KCNQ1: variants seen among roughly 807,000 people sequenced by gnomAD.
KCNQ1 encodes potassium voltage-gated channel subfamily KQT member 1.
A neutral mutation model predicts 72.4 loss-of-function variants in KCNQ1; 49 were observed. That is an observed-to-expected ratio of 0.68 (90% confidence interval 0.54 to 0.86). KCNQ1 has a LOEUF of 0.86. Among genes scored for constraint, KCNQ1 ranks in the 40% least tolerant of loss-of-function variants. The probability of loss-of-function intolerance (pLI) is 0.00; values close to 1 mark genes in which losing one functional copy is unlikely to be tolerated. For synonymous variants in KCNQ1, 450 were observed against 412.6 expected (o/e 1.09, Z -1.10); for missense variants, 790 against 945.1 (o/e 0.84, Z 2.15).
chr11:2,666,765 T>C, intron 11 of KCNQ1: 1 of 398,758 alleles, frequency 2.5e-6, no homozygotes, highest in Non-Finnish European at 4.4e-6. Flanking sequence ...TCTGTGAGTG[T>C]CTAAGCTCCT....
At chr11:2,584,645 GTT>G (rs1277753106) in intron 7 of KCNQ1, among the ~76,000 whole-genome samples, 2 of 151,872 alleles carry the variant, frequency 1.3e-5, no homozygotes, top group Non-Finnish European at 2.9e-5. Context: ...GTGTTAGTGT[GTT>G]TTTGTGTGTG....
At chr11:2,649,960 C>A in intron 10 of KCNQ1, 1 of 398,480 alleles carries the variant, frequency 2.5e-6, no homozygotes, top group South Asian at 1.3e-4. Flanking sequence ...TCTCATATGT[C>A]ACGCAGGCAT....
Position 2,507,673 on chromosome 11 carries a change from G to T in KCNQ1, c.387-20255G>T, listed in dbSNP as rs2133655908. ...TGGGTTGAAGGCAGTAAGACCTGCA[G>T]GTGGGAGCTCTGGGGAGAGAGTGCG... On this transcript the variant is annotated intron_variant, in intron 1 of 15. Transcript: ENST00000155840. The surrounding 1 kb of genome is among the most constrained non-coding windows in gnomAD (Gnocchi z 5.4). 6.6e-6 allele frequency among the ~76,000 whole-genome samples: 1 copy of T among 152,266 alleles called. No individual in the cohort carries two copies. The highest frequency in any genetic ancestry group is 1.5e-5 in the Non-Finnish European group (1 of 68,020).
rs979977346 is a variant in KCNQ1 at position 2,541,456 on chromosome 11, C to T, written c.477+13438C>T. On this transcript the variant is annotated intron_variant, in intron 2 of 15. Coordinates refer to ENST00000155840, the MANE Select transcript of KCNQ1 (RefSeq NM_000218.3). The surrounding 1 kb of genome is among the most constrained non-coding windows in gnomAD (Gnocchi z 4.8). ...GGCTGGGGAGGGTCAGGGATGGCTG[C>T]TGTCCTCGGGGGAGGGACTGAGCTG... 2.6e-5 allele frequency among the ~76,000 whole-genome samples: 4 copies of T among 152,116 alleles called. No homozygotes were observed. Among genetic ancestry groups the T allele is most frequent in the Non-Finnish European group, 5.9e-5 (4 of 68,020 alleles).
chr11:2,517,071 C>T (rs1328314815), intron 1 of KCNQ1, among the ~76,000 whole-genome samples: 1 of 152,192 alleles, frequency 6.6e-6, no homozygotes, highest in African/African-American at 2.4e-5. Context: ...GGCCCAGGCT[C>T]CACGCTCCGC....
chr11:2,581,384 A>G (rs1048283768), intron 6 of KCNQ1, among the ~76,000 whole-genome samples: 8 of 151,788 alleles, frequency 5.3e-5, no homozygotes, highest in African/African-American at 7.3e-5. Flanking sequence ...TGCCTCTGCA[A>G]CTCCCCACCC....
At position 2,654,676 on chromosome 11, in the gene KCNQ1, G is replaced by A; in HGVS notation, c.1394-7285G>A. On this transcript the variant is annotated intron_variant, in intron 10 of 15. Transcript: ENST00000155840. This position sits in a 1 kb window ranked among gnomAD's most constrained non-coding sequence, Gnocchi z 6.4. ...GGCAGAGGGCAGCAGAGATGGGCTG[G>A]AGCTTTGAGCTTTGTCATAGGCTGG... 2.5e-6 allele frequency: 1 copy of A among 398,900 alleles called. No individual in the cohort carries two copies. The highest frequency in any genetic ancestry group is 4.4e-5 in the Admixed American group (1 of 22,738). 24.7% of individuals were successfully genotyped at this position (398,900 alleles called of 1,614,324 possible). A position where few individuals can be genotyped will look rare whatever the true frequency, so the allele number is the denominator to read the frequency against.
chr11:2,719,531 A>ACAAATCC (rs1851168752), intron 11 of KCNQ1, among the ~76,000 whole-genome samples: 1 of 152,020 alleles, frequency 6.6e-6, no homozygotes, highest in African/African-American at 2.4e-5. Flanking sequence ...CCCCCTGCAC[A>ACAAATCC]CAAATCCCAG....
intron 11 of KCNQ1, among the ~76,000 whole-genome samples, chr11:2,718,139 C>T (rs1483639352): frequency 6.6e-6 from 1 of 152,224 alleles, no homozygotes; most frequent in Non-Finnish European, 1.5e-5. Flanking sequence ...TGAGGCCCTC[C>T]CTGCCCTCGG....
At chr11:2,555,837 C>A (rs1181341624) in intron 2 of KCNQ1, among the ~76,000 whole-genome samples, 4 of 152,224 alleles carry the variant, frequency 2.6e-5, no homozygotes, top group African/African-American at 7.2e-5. Context: ...CAGGGGTAGG[C>A]TGATAGACCT....
Position 2,515,209 on chromosome 11 carries a change from C to T in KCNQ1, c.387-12719C>T, listed in dbSNP as rs1249146946. ...CCTCCCCTTTGGAGTCCCAGAGTGA[C>T]CTTTCTCCGTCTTTCTGTCCAAGCA... On this transcript the variant is annotated intron_variant, in intron 1 of 15. Coordinates refer to ENST00000155840, the MANE Select transcript of KCNQ1 (RefSeq NM_000218.3). This position sits in a 1 kb window ranked among gnomAD's most constrained non-coding sequence, Gnocchi z 4.7. Among the ~76,000 whole-genome samples, 8 of 152,296 alleles carry T rather than the reference C, an allele frequency of 5.3e-5. No individual in the cohort carries two copies. The highest frequency in any genetic ancestry group is 1.9e-4 in the African/African-American group (8 of 41,570).
At chr11:2,796,898 C>T (rs1051488531) in intron 15 of KCNQ1, among the ~76,000 whole-genome samples, 10 of 152,216 alleles carry the variant, frequency 6.6e-5, no homozygotes, top group Admixed American at 2.6e-4. Flanking sequence ...CAATAAAGGC[C>T]GCCTTTATCC....
intron 15 of KCNQ1, among the ~76,000 whole-genome samples, chr11:2,797,761 A>G (rs1407497748): frequency 1.3e-5 from 2 of 150,266 alleles, no homozygotes. Context: ...TTGTGCCTGC[A>G]CTCCCTCCCC....
intron 10 of KCNQ1, chr11:2,616,587 G>A (rs539248726): frequency 6.8e-5 from 27 of 397,848 alleles, no homozygotes; most frequent in Middle Eastern, 6.3e-4. Flanking sequence ...ATGTTGTGTC[G>A]TCATTTTCAC....
rs1850155879 is a variant in KCNQ1, at chr11:2,670,227, C to CTT, written c.1514+8148_1514+8149dup. ...AGGGCGAGCTGTGTAGCTCACCTGC[C>CTT]TTTGACCCTGCACATGACGGGCGAG... On this transcript the variant is annotated intron_variant, in intron 11 of 15. Coordinates refer to ENST00000155840, the MANE Select transcript of KCNQ1 (RefSeq NM_000218.3). This position sits in a 1 kb window ranked among gnomAD's most constrained non-coding sequence, Gnocchi z 4.9. 2 of 398,448 alleles carry CTT rather than the reference C, an allele frequency of 5.0e-6. No homozygotes were observed. Among genetic ancestry groups the CTT allele is most frequent in the Admixed American group, 8.8e-5 (2 of 22,712 alleles). The allele number at this position is 398,448 out of a possible 1,614,324, so 24.7% of individuals were successfully genotyped here.
chr11:2,459,599 C>G (rs1846244673), intron 1 of KCNQ1, among the ~76,000 whole-genome samples: 1 of 152,130 alleles, frequency 6.6e-6, no homozygotes. Flanking sequence ...GCCAACCGGG[C>G]AGGGACAAGT....
At position 2,526,549 on chromosome 11, in the gene KCNQ1, A is replaced by C. The variant is rs972796643; in HGVS notation, c.387-1379A>C. On this transcript the variant is annotated intron_variant, in intron 1 of 15. Transcript: ENST00000155840. This position sits in a 1 kb window ranked among gnomAD's most constrained non-coding sequence, Gnocchi z 6.1. The stretch of plus-strand genomic sequence containing the variant: ...AGGAAAGGATTGTCCTGTCCACAGG[A>C]GCTTGGGGAAGGGGGTGGGGGGCCA... Among the ~76,000 whole-genome samples the C allele has an allele frequency of 2.0e-5, 3 of 149,758 alleles. No homozygotes were observed. The highest frequency in any genetic ancestry group is 7.4e-5 in the African/African-American group (3 of 40,376).
intron 1 of KCNQ1, 118 bp downstream of exon 1, chr11:2,445,602 A>G: frequency 8.2e-7 from 1 of 1,218,766 alleles, no homozygotes; most frequent in South Asian, 1.3e-5. Flanking sequence ...CAGAGGAGGG[A>G]AGGAAGTGGG....
chr11:2,665,014 C>G (rs920154782), intron 11 of KCNQ1: 15 of 398,472 alleles, frequency 3.8e-5, no homozygotes, highest in African/African-American at 3.1e-4. Flanking sequence ...GCCTGTTAGC[C>G]AGAGGTGGGG....
Sources: allele counts gnomAD v4.1 joint callset (sites outside exome capture counted in the v4.1 genomes callset), GRCh38; gene constraint gnomAD v4.1.1; non-coding constraint Gnocchi (gnomAD v3.1); transcripts MANE v1.5; gene names NCBI Gene and HGNC (gene_info 2026-07-23, HGNC 2026-07-21).